FBXL3: variants seen among roughly 807,000 people sequenced by gnomAD.
FBXL3 encodes the protein F-box/LRR-repeat protein 3.
In FBXL3, 14 loss-of-function variants were observed where a neutral mutation model predicts 37.9. The observed-to-expected ratio is 0.37, with a 90% CI of 0.24 to 0.58. The LOEUF is 0.58. FBXL3 is among the 20% of genes least tolerant of loss of function. The probability of loss-of-function intolerance (pLI) is 0.74; values close to 1 mark genes in which losing one functional copy is unlikely to be tolerated. For missense variants in FBXL3, 327 were observed against 511.1 expected, an observed-to-expected ratio of 0.64 and a Z score of 3.47; for synonymous variants, 194 against 180.1, an observed-to-expected ratio of 1.08 and a Z score of -0.62.
rs189155820 is a variant in FBXL3 at position 77,008,602 on chromosome 13, G to C, written c.644-814C>G. 1.8e-4 allele frequency: 27 copies of C among 152,488 alleles called. 1 individual carries two copies. Among genetic ancestry groups the C allele is most frequent in the African/African-American group, 6.5e-4 (27 of 41,566 alleles). The allele number at this position is 152,488 out of a possible 1,614,324, so 9.4% of individuals were successfully genotyped here. A position where few individuals can be genotyped will look rare whatever the true frequency, so the allele number is the denominator to read the frequency against. On this transcript the variant is annotated intron_variant, in intron 4 of 4. Transcript: ENST00000355619. The stretch of plus-strand genomic sequence containing the variant: ...CAGTCTCACCCTGTAGCCCAGGCTG[G>C]AGTGCAGTGGTGTGATCTCAGCTCA...
intron 2 of FBXL3, among the ~76,000 whole-genome samples, chr13:77,020,836 A>G (rs779762299): frequency 6.6e-6 from 1 of 152,118 alleles, no homozygotes. Flanking sequence ...GGCTCATGCA[A>G]TCTTCCCGCC....
At chr13:77,025,129 T>C (rs2034813251) in intron 1 of FBXL3, among the ~76,000 whole-genome samples, 1 of 152,208 alleles carries the variant, frequency 6.6e-6, no homozygotes, top group South Asian at 2.1e-4. Flanking sequence ...TAATTCCTAC[T>C]TTTGTCAAAG....
Position 77,018,247 on chromosome 13 carries a change from TTTTC to T in FBXL3, c.471+349_471+352del, listed in dbSNP as rs199681189. On this transcript the variant is annotated intron_variant, in intron 3 of 4. Coordinates refer to ENST00000355619, the MANE Select transcript of FBXL3 (RefSeq NM_012158.4). ...CCTGCTCTCAATATTGGCACTCTACTTTTCTTTGATTCTAACTTCACCAACCTGC... is the reference window on the plus strand; with the variant it reads ...CCTGCTCTCAATATTGGCACTCTACTTTTGATTCTAACTTCACCAACCTGC... 161 of 157,650 alleles carry T rather than the reference TTTTC, an allele frequency of 1.0e-3. 3 individuals carry two copies. In the East Asian group the frequency reaches 0.021, roughly 20 times the overall value. 9.8% of individuals were successfully genotyped at this position (157,650 alleles called of 1,614,324 possible).
intron 4 of FBXL3, chr13:77,015,055 G>A (rs1279739084): frequency 1.3e-5 from 2 of 156,764 alleles, no homozygotes; most frequent in Non-Finnish European, 2.8e-5. Context: ...TTATGTGACT[G>A]CTCTGACTCA....
intron 4 of FBXL3, among the ~76,000 whole-genome samples, 189 bp from the exon 5 acceptor site, chr13:77,007,977 A>G (rs1309460333): frequency 3.3e-5 from 5 of 152,244 alleles, no homozygotes; most frequent in Non-Finnish European, 7.3e-5. Flanking sequence ...TTTTGTCTAC[A>G]AGAAAATGAA....
chr13:77,015,362 T>A, intron 4 of FBXL3, 47 bp downstream of exon 4: 1 of 1,381,948 alleles, frequency 7.2e-7, no homozygotes, highest in Non-Finnish European at 9.7e-7. Context: ...AATTTGAACA[T>A]AGCAATGCAT....
intron 1 of FBXL3, 129 bp downstream of exon 1, chr13:77,026,698 G>T (rs1024998787): frequency 6.8e-6 from 1 of 147,534 alleles, no homozygotes; most frequent in East Asian, 2.0e-4. Context: ...CCTGAGGAGC[G>T]GCCCGCGCGC....
chr13:77,026,107 A>T (rs895915940), intron 1 of FBXL3: 13 of 898,202 alleles, frequency 1.4e-5, no homozygotes, highest in African/African-American at 1.4e-4. Flanking sequence ...GATTCTAATT[A>T]AAAAATCTGG....
At chr13:77,008,674 T>C in intron 4 of FBXL3, 1 of 152,700 alleles carries the variant, frequency 6.5e-6, no homozygotes, top group Non-Finnish European at 1.5e-5. Context: ...TGCCTCAGCC[T>C]CCTGAGTAGC....
chr13:77,015,020 C>T (rs2034619029), intron 4 of FBXL3: 1 of 153,230 alleles, frequency 6.5e-6, no homozygotes, highest in African/African-American at 2.4e-5. Context: ...ACTCTTCTCC[C>T]TCTACATAGT....
In FBXL3 at chr13:77,005,558, T is replaced by A. The variant is rs2034436257; in HGVS notation, c.*1587A>T. 1 of 152,470 alleles carries A rather than the reference T, an allele frequency of 6.6e-6. No homozygotes were observed. Among genetic ancestry groups the A allele is most frequent in the South Asian group, 2.1e-4 (1 of 4,828 alleles). 9.4% of individuals were successfully genotyped at this position (152,470 alleles called of 1,614,324 possible). On this transcript the variant is annotated 3_prime_UTR_variant, in exon 5 of 5. Transcript: ENST00000355619. ...TTTAGAAGGAGGGGATATATTACTATAATTGCTGTTAATTTTCGAATCTAG... is the reference window on the plus strand; with the variant it reads ...TTTAGAAGGAGGGGATATATTACTAAAATTGCTGTTAATTTTCGAATCTAG...
chr13:77,006,939 T>C lies in FBXL3; in HGVS notation c.*206A>G, dbSNP rs2034461667. 2.2e-6 allele frequency: 3 copies of C among 1,373,662 alleles called. No homozygotes were observed. Among genetic ancestry groups the C allele is most frequent in the South Asian group, 1.9e-5 (1 of 52,340 alleles). 85.1% of individuals were successfully genotyped at this position (1,373,662 alleles called of 1,614,324 possible). A position where few individuals can be genotyped will look rare whatever the true frequency, so the allele number is the denominator to read the frequency against. ...CCACATTAAAAAAAATTCGGAGATA[T>C]GACTGCTATTACACTAAGGAAACAA... is the stretch of plus-strand genomic sequence containing the variant. On this transcript the variant is annotated 3_prime_UTR_variant, in exon 5 of 5. Transcript: ENST00000355619.
chr13:77,007,927 AT>A, intron 4 of FBXL3, 139 bp from the exon 5 acceptor site: 1 of 613,314 alleles, frequency 1.6e-6, no homozygotes, highest in Non-Finnish European at 2.7e-6. Flanking sequence ...GCATAGTTGA[AT>A]TAGAAGGGAA....
intron 1 of FBXL3, chr13:77,026,287 C>A (rs2034836601): frequency 3.0e-6 from 3 of 985,352 alleles, no homozygotes; most frequent in Non-Finnish European, 3.6e-6. Context: ...CACAAGTTGA[C>A]CAAGTTTTTC....
In FBXL3 at chr13:77,007,281, C is replaced by T. The variant is rs2034468590; in HGVS notation, c.1151G>A (p.Gly384Asp). 6.2e-7 allele frequency: 1 copy of T among 1,613,788 alleles called. No individual in the cohort carries two copies. The highest frequency in any genetic ancestry group is 1.1e-5 in the South Asian group (1 of 91,082). Residue 384 changes from glycine to aspartate, a missense_variant, in exon 5 of 5, where the codon GGT becomes GAT. Gly to Asp is a moderately conservative substitution (Grantham distance 94, BLOSUM62 -1). Transcript: ENST00000355619. The part of the protein sequence containing the change: ...SAFVEFVKMC[G>D]GRLSQLSIME... Reference sequence around the variant, plus strand: ...AATGGATAATTGAGATAGGCGGCCACCACACATCTTCACAAACTCAACAAA... The same window carrying T: ...AATGGATAATTGAGATAGGCGGCCATCACACATCTTCACAAACTCAACAAA...
chr13:77,025,115 C>T (rs1012640355), intron 1 of FBXL3, among the ~76,000 whole-genome samples: 3 of 152,008 alleles, frequency 2.0e-5, no homozygotes, highest in African/African-American at 7.3e-5. Flanking sequence ...ATCAATGGAC[C>T]CTATAATTCC....
intron 2 of FBXL3, among the ~76,000 whole-genome samples, chr13:77,020,233 A>C (rs544306194): frequency 7.9e-4 from 121 of 152,366 alleles, no homozygotes; most frequent in Middle Eastern, 3.4e-3. Context: ...AAGATGTCCT[A>C]AACATTAAAA....
rs532454806 is a variant in FBXL3, at chr13:77,026,522, C to T, written c.-2+305G>A. On this transcript the variant is annotated intron_variant, in intron 1 of 4. Coordinates refer to ENST00000355619, the MANE Select transcript of FBXL3 (RefSeq NM_012158.4). ...CCCCGCCAAGGGTCATAAAGCCTGG[C>T]AGGAGCCGCGGCGAACCCGGGAGCG... 9.8e-5 allele frequency among the ~76,000 whole-genome samples: 15 copies of T among 152,322 alleles called. No individual in the cohort carries two copies. The South Asian group carries it at 2.9e-3, about 29-fold the overall frequency.
chr13:77,013,218 G>A (rs997100719), intron 4 of FBXL3: 3 of 152,168 alleles, frequency 2.0e-5, no homozygotes, highest in African/African-American at 7.2e-5. Flanking sequence ...AAGCTGCCCT[G>A]GTTCATTCCT....
Sources: allele counts gnomAD v4.1 joint callset (sites outside exome capture counted in the v4.1 genomes callset), GRCh38; gene constraint gnomAD v4.1.1; transcripts MANE v1.5; gene names NCBI Gene and HGNC (gene_info 2026-07-23, HGNC 2026-07-21).